The following MYH11 variants were observed in gnomAD, a reference collection of about 807,000 sequenced individuals.
The protein encoded by MYH11 is myosin-11.
A neutral mutation model predicts 246.6 loss-of-function variants in MYH11; 80 were observed. That is an observed-to-expected ratio of 0.32 (90% CI 0.27 to 0.39). The LOEUF is 0.39. Among genes scored for constraint, MYH11 ranks in the 10% least tolerant of loss-of-function variants. MYH11 has a pLI of 1.00. For missense variants in MYH11, 2,158 were observed against 2,546.8 expected (o/e 0.85, Z 3.29); for synonymous variants, 1,071 against 1,015.5 (o/e 1.05, Z -1.04).
intron 20 of MYH11, among the ~76,000 whole-genome samples, chr16:15,744,512 AAAAG>A (rs1479365478): frequency 2.7e-5 from 4 of 149,818 alleles, no homozygotes; most frequent in Admixed American, 2.0e-4. Flanking sequence ...AATAAAAAAA[AAAAG>A]AAAGAAGAGA....
In MYH11 at chr16:15,821,542, C is replaced by T. The variant is rs549461895; in HGVS notation, c.502+1713G>A. Among the ~76,000 whole-genome samples, 5 of 152,168 alleles carry T rather than the reference C, an allele frequency of 3.3e-5. No homozygotes were observed. In the South Asian group the frequency reaches 1.0e-3, roughly 32 times the overall value. On this transcript the variant is annotated intron_variant, in intron 3 of 40. Coordinates refer to ENST00000300036, the MANE Select transcript of MYH11 (RefSeq NM_002474.3). ...AAATGCTTACCCATCTGTCGCTCCCCCTCCTTCTCCTTTGCTAACAGAATT... is the reference window on the plus strand; with the variant it reads ...AAATGCTTACCCATCTGTCGCTCCCTCTCCTTCTCCTTTGCTAACAGAATT...
chr16:15,776,587 G>A (rs2042226500), intron 7 of MYH11, among the ~76,000 whole-genome samples: 1 of 152,136 alleles, frequency 6.6e-6, no homozygotes, highest in African/African-American at 2.4e-5. Flanking sequence ...TTGTCTCACT[G>A]AAGCCTCACA....
chr16:15,732,978 A>G, intron 26 of MYH11: 1 of 548,912 alleles, frequency 1.8e-6, no homozygotes, highest in Non-Finnish European at 3.3e-6. Flanking sequence ...ATGTCTGTGA[A>G]CTGCAAAATT....
intron 9 of MYH11, among the ~76,000 whole-genome samples, chr16:15,766,827 A>G (rs35382676): frequency 0.041 from 6,252 of 152,296 alleles, 180 homozygotes; most frequent in East Asian, 0.13. Context: ...GCCATAAGAG[A>G]TGAACCTTGG....
At chr16:15,806,854 C>T (rs1160048825) in intron 3 of MYH11, among the ~76,000 whole-genome samples, 1 of 152,080 alleles carries the variant, frequency 6.6e-6, no homozygotes, top group Non-Finnish European at 1.5e-5. Flanking sequence ...GAGAGGCAAC[C>T]AAGGTAGAAG....
intron 4 of MYH11, chr16:15,790,930 A>G (rs1166334624): frequency 2.0e-5 from 3 of 151,304 alleles, no homozygotes; most frequent in African/African-American, 7.3e-5. Flanking sequence ...AATTCTTTAT[A>G]AACGCTCTGC....
chr16:15,775,788 T>C, intron 8 of MYH11: 1 of 477,610 alleles, frequency 2.1e-6, no homozygotes, highest in South Asian at 2.7e-5. Flanking sequence ...TTGTGTCTAG[T>C]TGGACTTGAT....
intron 8 of MYH11, among the ~76,000 whole-genome samples, chr16:15,772,890 C>G (rs1347134987): frequency 6.6e-6 from 1 of 152,190 alleles, no homozygotes; most frequent in Non-Finnish European, 1.5e-5. Flanking sequence ...CCTTATAACA[C>G]TCTAATGCCT....
At chr16:15,729,956 G>A (rs1263287712) in intron 27 of MYH11, among the ~76,000 whole-genome samples, 1 of 152,160 alleles carries the variant, frequency 6.6e-6, no homozygotes, top group African/African-American at 2.4e-5. Context: ...AAAGTGCTGG[G>A]ATTATAAGCA....
At chr16:15,785,737 G>A (rs1417945147) in intron 5 of MYH11, 1 of 152,466 alleles carries the variant, frequency 6.6e-6, no homozygotes, top group Non-Finnish European at 1.5e-5. Context: ...CCCTCCTGTG[G>A]GATAGATGGG....
chr16:15,728,051 A>C (rs2040850036), intron 27 of MYH11, among the ~76,000 whole-genome samples: 3 of 152,224 alleles, frequency 2.0e-5, no homozygotes, highest in Admixed American at 2.0e-4. Context: ...CAACATGGCG[A>C]AACTGCATCT....
chr16:15,802,673 T>C (rs1415898629), intron 3 of MYH11, among the ~76,000 whole-genome samples: 2 of 152,202 alleles, frequency 1.3e-5, no homozygotes, highest in Non-Finnish European at 2.9e-5. Context: ...GGTTTCACAC[T>C]CTTGGGCTCA....
intron 40 of MYH11, chr16:15,713,509 T>C (rs1019904166): frequency 1.3e-5 from 2 of 152,136 alleles, no homozygotes; most frequent in Non-Finnish European, 2.9e-5. Flanking sequence ...GGTTTTGGGT[T>C]TTTTGAGACA....
At chr16:15,783,887 C>G (rs970671040) in intron 5 of MYH11, among the ~76,000 whole-genome samples, 1 of 152,072 alleles carries the variant, frequency 6.6e-6, no homozygotes, top group Non-Finnish European at 1.5e-5. Flanking sequence ...AACTGTAATT[C>G]TCCTTCTGAT....
chr16:15,786,567 T>A (rs764032439), intron 5 of MYH11, 63 bp downstream of exon 5: 16 of 1,436,508 alleles, frequency 1.1e-5, no homozygotes, highest in African/African-American at 1.4e-5. Context: ...TGTATCTCGG[T>A]TGGGCTGCAA....
intron 27 of MYH11, among the ~76,000 whole-genome samples, chr16:15,729,633 C>A (rs1445560877): frequency 1.3e-5 from 2 of 151,774 alleles, no homozygotes; most frequent in Middle Eastern, 3.2e-3. Flanking sequence ...TCACTGCAAC[C>A]TTTACCTCCT....
chr16:15,808,503 G>A (rs79704021), intron 3 of MYH11, among the ~76,000 whole-genome samples: 3,182 of 152,272 alleles, frequency 0.021, 118 homozygotes, highest in Admixed American at 0.096. Context: ...TCCCGGCAGA[G>A]TTGGTTAGGA....
chr16:15,731,955 A>T (rs563818975), intron 27 of MYH11, among the ~76,000 whole-genome samples: 1 of 151,642 alleles, frequency 6.6e-6, no homozygotes, highest in East Asian at 2.0e-4. Flanking sequence ...GGCCTGGCCA[A>T]TATTTTATTT....
intron 3 of MYH11, among the ~76,000 whole-genome samples, chr16:15,822,470 A>G (rs1277736547): frequency 6.6e-6 from 1 of 152,166 alleles, no homozygotes; most frequent in Non-Finnish European, 1.5e-5. Flanking sequence ...CCTGAGGCCA[A>G]GAGTTTGAGA....
Sources: allele counts gnomAD v4.1 joint callset (sites outside exome capture counted in the v4.1 genomes callset), GRCh38; gene constraint gnomAD v4.1.1; transcripts MANE v1.5; gene names NCBI Gene and HGNC (gene_info 2026-07-23, HGNC 2026-07-21).